The following FBN3 variants were observed in gnomAD, a reference collection of about 807,000 sequenced individuals.
FBN3 encodes fibrillin-3.
In FBN3, 234 loss-of-function variants were observed where a neutral mutation model predicts 330.1. That is an observed-to-expected ratio of 0.71 (90% CI 0.64 to 0.79). The LOEUF (loss-of-function observed/expected upper bound fraction) is 0.79. FBN3 is among the 30% of genes least tolerant of loss of function. FBN3 has a pLI of 0.00. For synonymous variants in FBN3, 1,458 were observed against 1,517.3 expected, an observed-to-expected ratio of 0.96 and a Z score of 0.91; for missense variants, 3,606 against 3,886.9, an observed-to-expected ratio of 0.93 and a Z score of 1.92.
chr19:8,090,069 C>T, intron 49 of FBN3, 30 bp downstream of exon 49: 1 of 1,609,722 alleles, frequency 6.2e-7, no homozygotes, highest in Non-Finnish European at 8.5e-7. Context: ...GCACATCATC[C>T]AGGGAGCCTG....
rs149914529 is a variant in FBN3 at position 8,109,713 on chromosome 19, G to A, written c.4374C>T (p.Gly1458=). The A allele has an allele frequency of 1.5e-4, 226 of 1,544,276 alleles. No individual in the cohort carries two copies. Among genetic ancestry groups the A allele is most frequent in the Non-Finnish European group, 1.8e-4 (212 of 1,146,792 alleles). Reference sequence around the variant, plus strand: ...AGCTGCCGGGGGTGTTAATGCACACGCCGTTGATGCAGTTTACTGGGTCTG... The same window carrying A: ...AGCTGCCGGGGGTGTTAATGCACACACCGTTGATGCAGTTTACTGGGTCTG... The part of the protein sequence containing the change: ...ECADPVNCIN[G]VCINTPGSYL... The change falls in exon 35 of 64, where the codon GGC becomes GGT. Residue 1458 remains glycine (G), a synonymous_variant. Transcript: ENST00000600128. This position sits in a 1 kb window ranked among gnomAD's most constrained non-coding sequence, Gnocchi z 5.2.
At position 8,129,305 on chromosome 19, in the gene FBN3, CG is replaced by C. The variant is rs1409339280; in HGVS notation, c.2104del (p.Arg702GlyfsTer75). On this transcript the variant is annotated frameshift_variant, in exon 17 of 64. Coordinates refer to ENST00000600128, the MANE Select transcript of FBN3 (RefSeq NM_032447.5). LOFTEE classifies it high-confidence loss of function. This position sits in a 1 kb window ranked among gnomAD's most constrained non-coding sequence, Gnocchi z 4.5. ...GTTGCAGACACAGCGGTAGCTGCCC[CG>C]AAGGTTCTCGCACACGCCATTGGCA... ...VCANGVCENLRGSYRCVCNLG... is the reference protein window; with the variant it reads ...VCANGVCENLXGSYRCVCNLG... The C allele has an allele frequency of 2.5e-6, 4 of 1,614,106 alleles. No individual in the cohort carries two copies. The highest frequency in any genetic ancestry group is 2.5e-6 in the Non-Finnish European group (3 of 1,180,028).
chr19:8,082,106 G>A (rs919321621), intron 57 of FBN3, among the ~76,000 whole-genome samples: 7 of 151,334 alleles, frequency 4.6e-5, no homozygotes, highest in African/African-American at 9.7e-5. Context: ...TGGGATTACA[G>A]GCACATAACA....
Position 8,149,174 on chromosome 19 carries a change from C to A in FBN3, c.-18+275G>T, listed in dbSNP as rs946648615. ...GGGGCGCGATCTCCACCCGGCAGGG[C>A]CCCCGGCCGCGACCACGCTTGGCTC... On this transcript the variant is annotated intron_variant, in intron 1 of 63. Transcript: ENST00000600128. This position sits in a 1 kb window ranked among gnomAD's most constrained non-coding sequence, Gnocchi z 5.5. 1.3e-5 allele frequency among the ~76,000 whole-genome samples: 2 copies of A among 151,938 alleles called. No homozygotes were observed. The highest frequency in any genetic ancestry group is 4.8e-5 in the African/African-American group (2 of 41,400).
chr19:8,126,048 C>G, intron 21 of FBN3, 31 bp from the exon 22 acceptor site: 1 of 1,613,036 alleles, frequency 6.2e-7, no homozygotes, highest in Non-Finnish European at 8.5e-7. Flanking sequence ...GCCGGAGGGT[C>G]CAGGGAGGGG....
intron 62 of FBN3, 73 bp downstream of exon 62, chr19:8,072,966 CGTGTGTGTGTGTGTGTGTGTGTGT>C: frequency 1.6e-6 from 1 of 643,268 alleles, no homozygotes; most frequent in Non-Finnish European, 2.7e-6. Flanking sequence ...CACAAAGCCC[CGTGTGTGTGTGTGTGTGTGTGTGT>C]GTGTGTGTGT....
rs150837036 is a variant in FBN3 at position 8,097,389 on chromosome 19, G to A, written c.5187C>T (p.Pro1729=). ...PLDIDECGEI[P]AICANGICIN... ...TGCAGATGCCATTGGCACAGATGGCGGGGATCTCCCCACACTCATCAATGT... is the reference window on the plus strand; with the variant it reads ...TGCAGATGCCATTGGCACAGATGGCAGGGATCTCCCCACACTCATCAATGT... Residue 1729 remains proline, a synonymous_variant, in exon 42 of 64, where the codon CCC becomes CCT. Coordinates refer to ENST00000600128, the MANE Select transcript of FBN3 (RefSeq NM_032447.5). 2.2e-5 allele frequency: 36 copies of A among 1,604,136 alleles called. No homozygotes were observed. Among genetic ancestry groups the A allele is most frequent in the African/African-American group, 2.1e-4 (16 of 74,790 alleles).
chr19:8,073,325 A>G, intron 61 of FBN3, 28 bp from the exon 62 acceptor site: 1 of 1,585,040 alleles, frequency 6.3e-7, no homozygotes. Flanking sequence ...GAGGAGAGGG[A>G]GGACGCAGAG....
At chr19:8,093,924 C>G (rs890278659) in intron 47 of FBN3, among the ~76,000 whole-genome samples, 2 of 152,066 alleles carry the variant, frequency 1.3e-5, no homozygotes, top group Admixed American at 6.6e-5. Flanking sequence ...TCAGGTTAGC[C>G]CAGGCTAGCC....
intron 47 of FBN3, 93 bp downstream of exon 47, chr19:8,094,353 T>A (rs1305395868): frequency 2.2e-6 from 3 of 1,379,228 alleles, no homozygotes; most frequent in Non-Finnish European, 3.0e-6. Context: ...CATCTCCACC[T>A]TCATCACAAC....
intron 38 of FBN3, among the ~76,000 whole-genome samples, chr19:8,105,809 C>A (rs926890366): frequency 6.6e-6 from 1 of 152,158 alleles, no homozygotes; most frequent in Non-Finnish European, 1.5e-5. Flanking sequence ...TGGAATCAGT[C>A]AAAAGCTTAC....
chr19:8,101,973 C>T (rs4804062), intron 40 of FBN3, among the ~76,000 whole-genome samples: 69,061 of 152,090 alleles, frequency 0.45, 17,765 homozygotes, highest in Middle Eastern at 0.65. Flanking sequence ...CCACATGTCA[C>T]GGGAGGGACC....
rs184068743 is a variant in FBN3 at position 8,139,071 on chromosome 19, G to A, written c.866-507C>T. Among the ~76,000 whole-genome samples the A allele has an allele frequency of 3.7e-3, 549 of 148,484 alleles. 8 individuals are homozygous for A. Among genetic ancestry groups the A allele is most frequent in the African/African-American group, 0.012 (462 of 39,960 alleles). ...TCCGTCTCAAAAAAAATAAAGGGCC[G>A]GGCGCAGTGGCTCACGCCTGTAATC... is the stretch of plus-strand genomic sequence containing the variant. On this transcript the variant is annotated intron_variant, in intron 8 of 63. Transcript: ENST00000600128.
intron 29 of FBN3, 132 bp from the exon 30 acceptor site, chr19:8,115,772 T>G: frequency 9.7e-7 from 1 of 1,026,294 alleles, no homozygotes; most frequent in Non-Finnish European, 1.4e-6. Context: ...GCTAGGACTC[T>G]CTTTCTTTTC....
At chr19:8,135,936 G>GGGGGGGGGGGGGGGGGGGGGGCGGC in intron 13 of FBN3, 25 bp downstream of exon 13, 1 of 668,776 alleles carries the variant, frequency 1.5e-6, no homozygotes, top group Non-Finnish European at 2.4e-6. Context: ...GGAAGCCCCT[G>GGGGGGGGGGGGGGGGGGGGGGCGGC]CCCACCCGCC....
intron 14 of FBN3, 87 bp downstream of exon 14, chr19:8,132,897 C>T (rs1218252523): frequency 6.3e-5 from 90 of 1,420,416 alleles, no homozygotes; most frequent in Non-Finnish European, 7.9e-5. Context: ...GTCCCATCCC[C>T]GTCCGGTCCC....
At chr19:8,090,327 C>T in intron 48 of FBN3, 76 bp from the exon 49 acceptor site, 3 of 1,544,936 alleles carry the variant, frequency 1.9e-6, no homozygotes, top group Non-Finnish European at 2.6e-6. Context: ...CTCCCGCACC[C>T]CAGTCCTGGT....
In FBN3 at chr19:8,123,472, T is replaced by G. The variant is rs765206008; in HGVS notation, c.3074A>C (p.Asn1025Thr). The change falls in exon 24 of 64, where the codon AAC (asparagine) becomes ACC (threonine). Residue 1025 changes from asparagine to threonine, a missense_variant. Asn to Thr is a moderately conservative substitution (Grantham distance 65). Coordinates refer to ENST00000600128, the MANE Select transcript of FBN3 (RefSeq NM_032447.5). ...GCAGAGGTGGCACCTACCTGTGCAG[T>G]TCCGTTCCTGGGCATCCAGGGCGAA... The part of the protein sequence containing the change: ...GGFALDAQER[N>T]CTDIDECRIS... The G allele has an allele frequency of 6.2e-7, 1 of 1,613,728 alleles. No homozygotes were observed.
At chr19:8,128,884 C>A in intron 18 of FBN3, 144 bp downstream of exon 18, 1 of 977,448 alleles carries the variant, frequency 1.0e-6, no homozygotes, top group Non-Finnish European at 1.5e-6. Context: ...TGTGTGTGCA[C>A]ACTACATATA....
Sources: gnomAD v4.1 joint callset for allele counts (sites outside exome capture counted in the v4.1 genomes callset) on GRCh38, gnomAD v4.1.1 for gene constraint, Gnocchi (gnomAD v3.1) non-coding constraint, MANE v1.5 for transcripts, NCBI Gene and HGNC (gene_info 2026-07-23, HGNC 2026-07-21) for gene names.